SETBP1: variants seen among roughly 807,000 people sequenced by gnomAD.
The protein encoded by SETBP1 is SET-binding protein.
SETBP1 carries 9 observed loss-of-function variants against 101.0 expected under a neutral mutation model. The observed-to-expected ratio is 0.09, with a 90% CI of 0.05 to 0.16. The LOEUF (loss-of-function observed/expected upper bound fraction) is 0.16, where lower values mean the gene tolerates loss of function less well. Ranked by LOEUF, SETBP1 falls within the 10% of genes least tolerant of loss-of-function variation. The pLI is 1.00. For missense variants in SETBP1, 1,858 were observed against 2,033.8 expected (o/e 0.91, Z 1.66); for synonymous variants, 818 against 788.5 (o/e 1.04, Z -0.63).
At chr18:44,741,995 C>G (rs149502858) in intron 2 of SETBP1, among the ~76,000 whole-genome samples, 1 of 152,194 alleles carries the variant, frequency 6.6e-6, no homozygotes, top group Non-Finnish European at 1.5e-5. Flanking sequence ...GGGTGCAGCA[C>G]GCACAGATGT....
At chr18:44,893,047 A>T (rs1042433354) in intron 3 of SETBP1, among the ~76,000 whole-genome samples, 2 of 152,162 alleles carry the variant, frequency 1.3e-5, no homozygotes, top group East Asian at 3.9e-4. Context: ...GCCATCTAGG[A>T]TTATGATGAC....
intron 4 of SETBP1, among the ~76,000 whole-genome samples, chr18:44,970,579 G>A (rs1424480397): frequency 6.6e-6 from 1 of 151,682 alleles, no homozygotes; most frequent in Non-Finnish European, 1.5e-5. Context: ...GGAACAGAGT[G>A]TTGCTCTTGT....
chr18:44,979,991 G>T (rs1179036346), intron 4 of SETBP1, among the ~76,000 whole-genome samples: 1 of 152,222 alleles, frequency 6.6e-6, no homozygotes, highest in African/African-American at 2.4e-5. Context: ...AGCAAATGTT[G>T]ATCCAGTGTC....
chr18:44,714,934 C>T (rs1007842671), intron 2 of SETBP1, among the ~76,000 whole-genome samples: 33 of 151,990 alleles, frequency 2.2e-4, no homozygotes, highest in African/African-American at 6.5e-4. Flanking sequence ...GTTTGCTCTT[C>T]GTATAGTTAA....
At position 44,786,247 on chromosome 18, in the gene SETBP1, G is replaced by A. The variant is rs9955263; in HGVS notation, c.487-82983G>A. ...TTCTAAAGTTTTTGAAAGCTACAGC[G>A]TTGACATCCTAGATTTTTTCCTGTG... On this transcript the variant is annotated intron_variant, in intron 2 of 5. Transcript: ENST00000649279. Among the ~76,000 whole-genome samples, 20 of 152,206 alleles carry A rather than the reference G, an allele frequency of 1.3e-4. No homozygotes were observed. The South Asian group carries it at 2.9e-3, about 22-fold the overall frequency.
intron 4 of SETBP1, among the ~76,000 whole-genome samples, chr18:45,032,694 G>A (rs752545509): frequency 3.3e-5 from 5 of 152,104 alleles, no homozygotes; most frequent in Admixed American, 6.6e-5. Context: ...GAGACCCTGG[G>A]GTTCACGTGC....
intron 2 of SETBP1, among the ~76,000 whole-genome samples, chr18:44,788,883 G>A (rs2071308108): frequency 7.3e-6 from 1 of 137,170 alleles, no homozygotes; most frequent in Non-Finnish European, 1.5e-5. Flanking sequence ...CTGCAGCCTC[G>A]ATCTCCTGGG....
intron 2 of SETBP1, among the ~76,000 whole-genome samples, chr18:44,820,144 A>G (rs1041941761): frequency 1.3e-5 from 2 of 152,230 alleles, no homozygotes; most frequent in Non-Finnish European, 2.9e-5. Context: ...AGGGCAGCCC[A>G]GGCTGGGCTT....
chr18:44,693,322 G>T (rs2068964467), intron 1 of SETBP1, among the ~76,000 whole-genome samples: 2 of 152,124 alleles, frequency 1.3e-5, no homozygotes, highest in East Asian at 3.8e-4. Flanking sequence ...ATAGGCACAG[G>T]TCTTACCCTT....
chr18:44,924,407 T>C (rs1368129759), intron 3 of SETBP1, among the ~76,000 whole-genome samples: 2 of 152,170 alleles, frequency 1.3e-5, no homozygotes, highest in East Asian at 3.9e-4. Context: ...CTTTGAAGAG[T>C]GAAGTTTTTA....
chr18:44,777,960 A>G (rs574420041), intron 2 of SETBP1, among the ~76,000 whole-genome samples: 5 of 152,294 alleles, frequency 3.3e-5, no homozygotes, highest in Admixed American at 1.3e-4. Context: ...TCTATTTACA[A>G]TCTCTAAGCA....
intron 4 of SETBP1, among the ~76,000 whole-genome samples, chr18:45,000,146 G>A (rs548506242): frequency 6.6e-6 from 1 of 152,236 alleles, no homozygotes; most frequent in African/African-American, 2.4e-5. Context: ...GTTTAAGAGG[G>A]ATATGATTTG....
intron 5 of SETBP1, among the ~76,000 whole-genome samples, chr18:45,045,761 GT>G (rs2073599621): frequency 6.6e-6 from 1 of 152,096 alleles, no homozygotes; most frequent in Non-Finnish European, 1.5e-5. Flanking sequence ...AAGGATCGTG[GT>G]GAATAATAAT....
intron 4 of SETBP1, among the ~76,000 whole-genome samples, chr18:44,983,855 T>C (rs965349228): frequency 4.6e-5 from 7 of 152,200 alleles, no homozygotes; most frequent in Non-Finnish European, 8.8e-5. Context: ...CAATTTTGCA[T>C]TTGTCAAAAG....
intron 2 of SETBP1, among the ~76,000 whole-genome samples, chr18:44,839,872 G>A (rs911357838): frequency 1.3e-5 from 2 of 152,180 alleles, no homozygotes; most frequent in African/African-American, 4.8e-5. Context: ...TAGTACAGAG[G>A]GATGTGATTG....
Position 44,701,682 on chromosome 18 carries a change from G to A in SETBP1, c.336G>A (p.Arg112=). Residue 112 remains arginine (R), a synonymous_variant, in exon 2 of 6, where the codon CGG becomes CGA. Coordinates refer to ENST00000649279, the MANE Select transcript of SETBP1 (RefSeq NM_015559.3). The part of the protein sequence containing the change: ...SLKLKIQTTK[R]AKKPPKNLEN... ...AGCTAAAGATTCAGACCACAAAGCG[G>A]GCTAAGAAACCCCCAAAGAATTTGG... The A allele has an allele frequency of 6.2e-7, 1 of 1,614,136 alleles. No individual in the cohort carries two copies. Among genetic ancestry groups the A allele is most frequent in the Non-Finnish European group, 8.5e-7 (1 of 1,180,022 alleles).
chr18:44,889,787 A>G (rs1426923463), intron 3 of SETBP1, among the ~76,000 whole-genome samples: 2 of 152,190 alleles, frequency 1.3e-5, no homozygotes, highest in Non-Finnish European at 2.9e-5. Context: ...CTTGCCGTCT[A>G]TGTGGGGAAG....
rs139872954 is a variant in SETBP1 at position 44,957,017 on chromosome 18, G to A, written c.4000+3677G>A. ...TCTAAATGCATACCATCTGCTAAAT[G>A]TCCGTTTATAAAAATGCTTGCCTGG... is the stretch of plus-strand genomic sequence containing the variant. On this transcript the variant is annotated intron_variant, in intron 4 of 5. Transcript: ENST00000649279. Among the ~76,000 whole-genome samples the A allele has an allele frequency of 5.6e-4, 85 of 152,178 alleles. No individual in the cohort carries two copies. The East Asian group carries it at 0.015, about 28-fold the overall frequency.
At chr18:44,680,860 G>A (rs999161950), upstream of SETBP1, 1 of 104,322 alleles carries the variant, frequency 9.6e-6, no homozygotes. Context: ...AAAGGGGTGG[G>A]AAGGCAGGAT....
Sources: allele counts gnomAD v4.1 joint callset (sites outside exome capture counted in the v4.1 genomes callset), GRCh38; gene constraint gnomAD v4.1.1; transcripts MANE v1.5; gene names NCBI Gene and HGNC (gene_info 2026-07-23, HGNC 2026-07-21).